Variants in LIMK2 observed in about 807,000 individuals in gnomAD.
LIMK2 encodes LIM domain kinase 2.
Under a neutral mutation model 75.7 loss-of-function variants are expected in LIMK2, and 35 were observed. The observed-to-expected ratio is 0.46, with a 90% CI of 0.35 to 0.61. The LOEUF (loss-of-function observed/expected upper bound fraction) is 0.61, where lower values mean the gene tolerates loss of function less well. Ranked by LOEUF, LIMK2 falls within the 20% of genes least tolerant of loss-of-function variation. The pLI is 0.00. For synonymous variants in LIMK2, 301 were observed against 319.2 expected (o/e 0.94, Z 0.61); for missense variants, 623 against 831.0 (o/e 0.75, Z 3.08).
chr22:31,248,744 T>G (rs201948499), intron 2 of LIMK2: 1 of 1,614,162 alleles, frequency 6.2e-7, no homozygotes, highest in African/African-American at 1.3e-5. Context: ...AGTCCCGGCT[T>G]ACTTCACCTC....
intron 15 of LIMK2, chr22:31,276,968 C>G (rs1456642336): frequency 6.2e-7 from 1 of 1,613,822 alleles, no homozygotes; most frequent in African/African-American, 1.3e-5. Flanking sequence ...GAGGAGATCT[C>G]AGAACTAGAG....
At chr22:31,272,321 C>T (rs143070927) in intron 12 of LIMK2, 3,700 of 361,812 alleles carry the variant, frequency 0.01, 119 homozygotes, top group African/African-American at 0.07. Context: ...GTGATTCACC[C>T]GCCTTGGCCT....
At chr22:31,218,120 C>T (rs1202879780) in intron 1 of LIMK2, among the ~76,000 whole-genome samples, 2 of 152,200 alleles carry the variant, frequency 1.3e-5, no homozygotes, top group African/African-American at 4.8e-5. Flanking sequence ...CAACTAAGTG[C>T]CTGGCACCAT....
At chr22:31,234,185 T>C (rs1051536587) in intron 2 of LIMK2, among the ~76,000 whole-genome samples, 1 of 151,880 alleles carries the variant, frequency 6.6e-6, no homozygotes, top group African/African-American at 2.4e-5. Flanking sequence ...CTAATTTTTA[T>C]ATTTTTAGTA....
At position 31,251,437 on chromosome 22, in the gene LIMK2, A is replaced by T. The variant is rs558114067; in HGVS notation, c.117-6854A>T. Among the ~76,000 whole-genome samples the T allele has an allele frequency of 3.9e-5, 6 of 152,276 alleles. No homozygotes were observed. In the South Asian group the frequency reaches 1.2e-3, roughly 32 times the overall value. On this transcript the variant is annotated intron_variant, in intron 2 of 15. Coordinates refer to ENST00000331728, the MANE Select transcript of LIMK2 (RefSeq NM_005569.4). Reference sequence around the variant, plus strand: ...CTTATCTGAAAAATGAAGGACTTGGATCAGGTGAATGGTTCCCAGCTCTGC... The same window carrying T: ...CTTATCTGAAAAATGAAGGACTTGGTTCAGGTGAATGGTTCCCAGCTCTGC...
intron 2 of LIMK2, among the ~76,000 whole-genome samples, chr22:31,246,499 T>C (rs998295959): frequency 5.9e-5 from 9 of 152,186 alleles, no homozygotes; most frequent in African/African-American, 2.2e-4. Context: ...CACGACAGTC[T>C]GTATGGCCTG....
chr22:31,278,472 C>T lies in LIMK2; in HGVS notation c.*31C>T. 1 of 1,568,506 alleles carries T rather than the reference C, an allele frequency of 6.4e-7. No individual in the cohort carries two copies. Reference sequence around the variant, plus strand: ...GCCCAGCCCCCTGCAGGGGGGTGTTCTACAGCCAGCATTGCCCCTCTGTGC... The same window carrying T: ...GCCCAGCCCCCTGCAGGGGGGTGTTTTACAGCCAGCATTGCCCCTCTGTGC... On this transcript the variant is annotated 3_prime_UTR_variant, in exon 16 of 16. Coordinates refer to ENST00000331728, the MANE Select transcript of LIMK2 (RefSeq NM_005569.4).
At chr22:31,275,531 C>A in intron 15 of LIMK2, 1 of 516,772 alleles carries the variant, frequency 1.9e-6, no homozygotes, top group Non-Finnish European at 3.4e-6. Flanking sequence ...AGAAACACAG[C>A]CATTAAAAGA....
intron 2 of LIMK2, chr22:31,230,294 G>A (rs1679764760): frequency 6.6e-6 from 1 of 152,062 alleles, no homozygotes; most frequent in African/African-American, 2.4e-5. Context: ...CTCCTTAGGA[G>A]AGGCCAGGAG....
At chr22:31,246,183 G>GCGCACA (rs746599250) in intron 2 of LIMK2, among the ~76,000 whole-genome samples, 177 of 135,098 alleles carry the variant, frequency 1.3e-3, no homozygotes, top group Middle Eastern at 0.012. Context: ...ACGCACGCAC[G>GCGCACA]CACACACACA....
intron 11 of LIMK2, among the ~76,000 whole-genome samples, chr22:31,270,169 C>T (rs1027065107): frequency 3.3e-5 from 5 of 152,102 alleles, no homozygotes; most frequent in African/African-American, 1.2e-4. Flanking sequence ...GGCTGCTAGT[C>T]ACCTAATCTG....
At chr22:31,224,647 A>G (rs970079971) in intron 1 of LIMK2, among the ~76,000 whole-genome samples, 9 of 152,248 alleles carry the variant, frequency 5.9e-5, no homozygotes, top group Non-Finnish European at 1.2e-4. Flanking sequence ...GGAGGCATTC[A>G]TTAAATATTT....
intron 7 of LIMK2, 105 bp from the exon 8 acceptor site, chr22:31,265,841 A>G (rs1182928482): frequency 5.8e-6 from 5 of 855,256 alleles, no homozygotes; most frequent in South Asian, 4.7e-5. Context: ...CATCTAAACT[A>G]TAGACATTGG....
At chr22:31,277,488 C>A (rs896938986) in intron 15 of LIMK2, 1 of 1,082,658 alleles carries the variant, frequency 9.2e-7, no homozygotes, top group Non-Finnish European at 1.1e-6. Context: ...GAATCTATAC[C>A]TTGTTCCTTT....
intron 15 of LIMK2, chr22:31,277,071 G>A (rs749345212): frequency 1.9e-6 from 3 of 1,613,976 alleles, no homozygotes; most frequent in Admixed American, 1.7e-5. Flanking sequence ...AACCCACAGA[G>A]GCCTTCATCT....
In LIMK2 at chr22:31,269,771, C is replaced by T. The variant is rs576507984; in HGVS notation, c.1318-1365C>T. ...CCTGGGTGACAGAGTGAGACTTCAT[C>T]TCAAAAAAAAAAAAAAAGAGAGACT... On this transcript the variant is annotated intron_variant, in intron 11 of 15. Coordinates refer to ENST00000331728, the MANE Select transcript of LIMK2 (RefSeq NM_005569.4). 9.6e-5 allele frequency among the ~76,000 whole-genome samples: 14 copies of T among 145,240 alleles called. No individual in the cohort carries two copies. In the South Asian group the frequency reaches 2.4e-3, roughly 25 times the overall value.
In LIMK2 at chr22:31,262,603, T is replaced by G. The variant is rs746258617; in HGVS notation, c.666T>G (p.Asp222Glu). 1.9e-6 allele frequency: 3 copies of G among 1,611,110 alleles called. No individual in the cohort carries two copies. ...ACTGCTCTTGGCCACAGGTGGAGGATGCAATTAGCCAGACGAGCCAGACAC... is the reference window on the plus strand; with the variant it reads ...ACTGCTCTTGGCCACAGGTGGAGGAGGCAATTAGCCAGACGAGCCAGACAC... Reference protein sequence around the residue: ...VRTLRVEEVEDAISQTSQTLQ... With the variant: ...VRTLRVEEVEEAISQTSQTLQ... The change falls in exon 7 of 16, where the codon GAT (aspartate) becomes GAG (glutamate). Residue 222 changes from aspartate (D) to glutamate (E), a missense_variant. This residue lies in a region of LIMK2 where 514 missense variants were observed against 661.3 expected (regional missense o/e 0.78). Transcript: ENST00000331728. The surrounding 1 kb of genome is among the most constrained non-coding windows in gnomAD (Gnocchi z 5.0).
At chr22:31,261,419 G>A (rs529807385) in intron 5 of LIMK2, among the ~76,000 whole-genome samples, 3 of 152,118 alleles carry the variant, frequency 2.0e-5, no homozygotes, top group Admixed American at 1.3e-4. Context: ...GGTGGCGGAC[G>A]CCTGTAGTCC....
intron 2 of LIMK2, among the ~76,000 whole-genome samples, chr22:31,234,450 C>G (rs138050769): frequency 6.6e-6 from 1 of 151,482 alleles, no homozygotes; most frequent in Admixed American, 6.6e-5. Flanking sequence ...TGGCCAGGCG[C>G]GGTGGCTCAC....
Sources: gnomAD v4.1 joint callset for allele counts (sites outside exome capture counted in the v4.1 genomes callset) on GRCh38, gnomAD v4.1.1 for gene constraint, gnomAD v4.1.1 regional missense constraint, Gnocchi (gnomAD v3.1) non-coding constraint, MANE v1.5 for transcripts, NCBI Gene and HGNC (gene_info 2026-07-23, HGNC 2026-07-21) for gene names.